The following SPICE1 variants were observed in gnomAD, a reference collection of about 807,000 sequenced individuals.
The protein encoded by SPICE1 is spindle and centriole associated protein 1, also known as spindle and centriole-associated protein 1.
Under a neutral mutation model 102.7 loss-of-function variants are expected in SPICE1, and 75 were observed. The ratio of observed to expected loss-of-function variants is 0.73; its 90% CI spans 0.61 to 0.88. The LOEUF is 0.88. SPICE1 is among the 40% of genes least tolerant of loss of function. SPICE1 has a pLI of 0.00. For missense variants in SPICE1, 979 were observed against 1,020.1 expected, an observed-to-expected ratio of 0.96 and a Z score of 0.55; for synonymous variants, 308 against 350.3, an observed-to-expected ratio of 0.88 and a Z score of 1.35.
At chr3:113,493,165 C>A in intron 6 of SPICE1, 41 bp downstream of exon 6, 1 of 1,409,812 alleles carries the variant, frequency 7.1e-7, no homozygotes. Context: ...CTTAAACTTC[C>A]TTTCAGCATG....
intron 2 of SPICE1, among the ~76,000 whole-genome samples, chr3:113,505,654 A>G (rs1202820079): frequency 1.3e-5 from 2 of 152,250 alleles, no homozygotes; most frequent in Admixed American, 6.5e-5. Context: ...TAATCCCAGC[A>G]CTTTGGGAAG....
chr3:113,482,659 A>C (rs1671901104), intron 7 of SPICE1, among the ~76,000 whole-genome samples: 2 of 152,218 alleles, frequency 1.3e-5, no homozygotes, highest in African/African-American at 4.8e-5. Flanking sequence ...TCATTTATTA[A>C]ATAAGGAATC....
intron 13 of SPICE1, among the ~76,000 whole-genome samples, chr3:113,454,472 G>T (rs143502697): frequency 8.5e-5 from 13 of 152,204 alleles, no homozygotes; most frequent in Non-Finnish European, 1.6e-4. Flanking sequence ...ACTTTGCAAG[G>T]CCAAGGTCGG....
At chr3:113,500,563 A>G (rs1183391002) in intron 3 of SPICE1, among the ~76,000 whole-genome samples, 1 of 152,180 alleles carries the variant, frequency 6.6e-6, no homozygotes, top group Non-Finnish European at 1.5e-5. Context: ...TGAATATGTA[A>G]GCACAAAATG....
At chr3:113,473,411 A>G (rs1374553205) in intron 7 of SPICE1, among the ~76,000 whole-genome samples, 6 of 152,154 alleles carry the variant, frequency 3.9e-5, no homozygotes, top group Admixed American at 1.3e-4. Flanking sequence ...GCAGGCCAAC[A>G]TTCAGATTCA....
chr3:113,472,104 G>A (rs372587249), intron 7 of SPICE1, among the ~76,000 whole-genome samples: 168 of 152,294 alleles, frequency 1.1e-3, no homozygotes, highest in Non-Finnish European at 1.8e-3. Flanking sequence ...GCACTTTTCC[G>A]ACGGGCTTAA....
At chr3:113,484,164 A>G (rs886593191) in intron 7 of SPICE1, among the ~76,000 whole-genome samples, 1 of 152,098 alleles carries the variant, frequency 6.6e-6, no homozygotes, top group African/African-American at 2.4e-5. Flanking sequence ...TTTCTAGTTT[A>G]TTTGCATAGA....
At chr3:113,477,466 G>A (rs1212316182) in intron 7 of SPICE1, among the ~76,000 whole-genome samples, 2 of 150,834 alleles carry the variant, frequency 1.3e-5, no homozygotes, top group Admixed American at 6.6e-5. Context: ...AAATCATGCT[G>A]CTATAAAGAC....
chr3:113,475,046 T>C (rs576576543), intron 7 of SPICE1, among the ~76,000 whole-genome samples: 1 of 151,674 alleles, frequency 6.6e-6, no homozygotes, highest in South Asian at 2.1e-4. Context: ...GCAAGATTAA[T>C]AAAAAAGAAA....
At chr3:113,479,064 T>C (rs181440118) in intron 7 of SPICE1, among the ~76,000 whole-genome samples, 30 of 151,838 alleles carry the variant, frequency 2.0e-4, no homozygotes, top group East Asian at 5.8e-4. Context: ...CATGCTGGTG[T>C]GCTGCACCCA....
chr3:113,477,514 T>C (rs199896517), intron 7 of SPICE1, among the ~76,000 whole-genome samples: 2,855 of 151,268 alleles, frequency 0.019, 166 homozygotes, highest in East Asian at 0.11. Flanking sequence ...CTATTCACAA[T>C]AGCAAAGACT....
intron 11 of SPICE1, among the ~76,000 whole-genome samples, chr3:113,462,285 G>A (rs534490556): frequency 5.9e-5 from 9 of 152,158 alleles, no homozygotes; most frequent in Non-Finnish European, 1.3e-4. Flanking sequence ...CAAACTGTTT[G>A]CTGAGGCACC....
chr3:113,478,397 A>T (rs1936412987), intron 7 of SPICE1, among the ~76,000 whole-genome samples: 1 of 152,176 alleles, frequency 6.6e-6, no homozygotes, highest in Non-Finnish European at 1.5e-5. Flanking sequence ...ATAAGCCAGG[A>T]AATTGGAAAC....
intron 7 of SPICE1, among the ~76,000 whole-genome samples, chr3:113,485,388 T>C (rs72946732): frequency 0.026 from 4,001 of 152,038 alleles, 174 homozygotes; most frequent in African/African-American, 0.091. Context: ...CGCTCGAGCT[T>C]GGTGGGGGAA....
At chr3:113,465,202 G>A (rs2107460027) in intron 11 of SPICE1, among the ~76,000 whole-genome samples, 1 of 152,138 alleles carries the variant, frequency 6.6e-6, no homozygotes, top group Non-Finnish European at 1.5e-5. Flanking sequence ...AAAAGAAAAG[G>A]AGCAATTAGT....
chr3:113,477,588 A>G (rs1389758534), intron 7 of SPICE1, among the ~76,000 whole-genome samples: 2 of 152,160 alleles, frequency 1.3e-5, no homozygotes, highest in Non-Finnish European at 1.5e-5. Context: ...CATATACACC[A>G]TGGAATACTA....
At chr3:113,514,285 A>C (rs9872168) in intron 1 of SPICE1, 38,023 of 206,126 alleles carry the variant, frequency 0.18, 3,891 homozygotes, top group African/African-American at 0.26. Flanking sequence ...TTATGACTGG[A>C]CTTAGTAAAT....
At position 113,458,821 on chromosome 3, in the gene SPICE1, G is replaced by A. The variant is rs116272255; in HGVS notation, c.1436-1464C>T. 8.5e-3 allele frequency among the ~76,000 whole-genome samples: 1,265 copies of A among 149,256 alleles called. 22 individuals are homozygous for A. The highest frequency in any genetic ancestry group is 0.03 in the African/African-American group (1,191 of 40,036). On this transcript the variant is annotated intron_variant, in intron 12 of 17. Coordinates refer to ENST00000295872, the MANE Select transcript of SPICE1 (RefSeq NM_144718.4). ...GGGATGTGGGGAGCGTCTCTGCCCC[G>A]CTGCCCCGTCTGAGAGGTGAAGAGC...
chr3:113,489,112 T>C, intron 6 of SPICE1, 49 bp from the exon 7 acceptor site: 1 of 1,165,592 alleles, frequency 8.6e-7, no homozygotes, highest in Non-Finnish European at 1.3e-6. Context: ...ATATATATAC[T>C]CAGACTTTCT....
Sources: gnomAD v4.1 joint callset for allele counts (sites outside exome capture counted in the v4.1 genomes callset) on GRCh38, gnomAD v4.1.1 for gene constraint, MANE v1.5 for transcripts, NCBI Gene and HGNC (gene_info 2026-07-23, HGNC 2026-07-21) for gene names.